UTP4: variants seen among roughly 807,000 people sequenced by gnomAD.
The protein encoded by UTP4 is UTP4 small subunit processome component, also known as U3 small nucleolar RNA-associated protein 4 homolog.
UTP4 carries 45 observed loss-of-function variants against 82.4 expected under a neutral mutation model. The observed-to-expected ratio is 0.55, with a 90% CI of 0.43 to 0.70. UTP4 has a LOEUF of 0.70. Among genes scored for constraint, UTP4 ranks in the 30% least tolerant of loss-of-function variants. The pLI, the probability that UTP4 is intolerant of heterozygous loss-of-function variation, is 0.00. For missense variants in UTP4, 819 were observed against 858.3 expected, an observed-to-expected ratio of 0.95 and a Z score of 0.57; for synonymous variants, 348 against 300.3, an observed-to-expected ratio of 1.16 and a Z score of -1.64.
At chr16:69,159,665 C>T (rs1963513370) in intron 12 of UTP4, among the ~76,000 whole-genome samples, 1 of 150,648 alleles carries the variant, frequency 6.6e-6, no homozygotes, top group African/African-American at 2.4e-5. Context: ...TCCAGCCTGA[C>T]AACAGAGTGA....
chr16:69,159,574 G>C (rs1963511590), intron 12 of UTP4, among the ~76,000 whole-genome samples: 1 of 152,060 alleles, frequency 6.6e-6, no homozygotes, highest in African/African-American at 2.4e-5. Flanking sequence ...TGTAGTCCCA[G>C]CTACTTGGGA....
intron 12 of UTP4, among the ~76,000 whole-genome samples, chr16:69,159,146 G>A (rs753123895): frequency 3.3e-5 from 5 of 151,934 alleles, no homozygotes; most frequent in Non-Finnish European, 5.9e-5. Context: ...GTGCCATCTC[G>A]GCTCACTGCA....
intron 11 of UTP4, among the ~76,000 whole-genome samples, chr16:69,156,379 A>T (rs1255479651): frequency 6.7e-6 from 1 of 148,976 alleles, no homozygotes; most frequent in African/African-American, 2.5e-5. Flanking sequence ...CTGGTCCTGA[A>T]CTCCTGACCT....
chr16:69,168,968 C>A lies in UTP4; in HGVS notation c.*31C>A. On this transcript the variant is annotated 3_prime_UTR_variant, in exon 17 of 17. Transcript: ENST00000314423. ...GGCACTGTCTGTGTCCTTCCTTGAA[C>A]TGTCTACCCTGTTGCTTTTCACAAA... is the stretch of plus-strand genomic sequence containing the variant. 2 of 1,267,604 alleles carry A rather than the reference C, an allele frequency of 1.6e-6. No individual in the cohort carries two copies. The highest frequency in any genetic ancestry group is 2.3e-6 in the Non-Finnish European group (2 of 863,226). 78.5% of individuals were successfully genotyped at this position (1,267,604 alleles called of 1,614,324 possible).
At chr16:69,164,888 G>A (rs1237425403) in intron 14 of UTP4, among the ~76,000 whole-genome samples, 1 of 152,028 alleles carries the variant, frequency 6.6e-6, no homozygotes, top group East Asian at 1.9e-4. Flanking sequence ...TATGTATTAT[G>A]TGCATAAAAT....
At position 69,150,575 on chromosome 16, in the gene UTP4, A is replaced by G. The variant is rs1294987476; in HGVS notation, c.777A>G (p.Thr259=). The G allele has an allele frequency of 6.2e-7, 1 of 1,614,244 alleles. No homozygotes were observed. The highest frequency in any genetic ancestry group is 8.5e-7 in the Non-Finnish European group (1 of 1,180,044). ...TCGTGGTGGGCACAGCCGAGGGAAC[A>G]GTCTTCCATTTTCAGCTGGTCCCTG... is the stretch of plus-strand genomic sequence containing the variant. ...DSFVVGTAEG[T]VFHFQLVPVT... Residue 259 remains threonine, a synonymous_variant, in exon 7 of 17, where the codon ACA becomes ACG. Coordinates refer to ENST00000314423, the MANE Select transcript of UTP4 (RefSeq NM_032830.3).
rs187989663 is a variant in UTP4 at position 69,151,346 on chromosome 16, T to C, written c.1002+442T>C. The stretch of plus-strand genomic sequence containing the variant: ...TTTTCTTTTTTTTTTTTTTTGAGAC[T>C]GAGTCTCTCTCTGTCGCCCAGGCTG... On this transcript the variant is annotated intron_variant, in intron 8 of 16. Transcript: ENST00000314423. Among the ~76,000 whole-genome samples the C allele has an allele frequency of 6.9e-3, 956 of 137,864 alleles. 5 individuals are homozygous for C. Among genetic ancestry groups the C allele is most frequent in the Non-Finnish European group, 0.012 (738 of 63,680 alleles). 90.4% of individuals were successfully genotyped at this position (137,864 alleles called of 152,430 possible).
chr16:69,152,458 GT>G (rs1963297668), intron 8 of UTP4, among the ~76,000 whole-genome samples: 1 of 123,436 alleles, frequency 8.1e-6, no homozygotes, highest in Non-Finnish European at 1.7e-5. Flanking sequence ...GCTAATTTCT[GT>G]TTTTCTTTTT....
intron 1 of UTP4, 78 bp from the exon 2 acceptor site, chr16:69,133,380 G>GATATTAAGGAACTGA: frequency 4.3e-6 from 6 of 1,395,930 alleles, no homozygotes; most frequent in Non-Finnish European, 6.1e-6. Flanking sequence ...CCAGAACAGT[G>GATATTAAGGAACTGA]ATATTAAGGA....
At chr16:69,163,706 G>A in intron 14 of UTP4, among the ~76,000 whole-genome samples, 1 of 151,322 alleles carries the variant, frequency 6.6e-6, no homozygotes, top group Non-Finnish European at 1.5e-5. Context: ...AACCTGGGCT[G>A]CGGAATATAT....
At chr16:69,144,088 A>G (rs1963040744) in intron 6 of UTP4, among the ~76,000 whole-genome samples, 1 of 148,978 alleles carries the variant, frequency 6.7e-6, no homozygotes, top group African/African-American at 2.5e-5. Flanking sequence ...GGGTTTCACC[A>G]TGTTGGGCAG....
rs571089995 is a variant in UTP4, at chr16:69,138,139, A to G, written c.436+254A>G. 84 of 503,516 alleles carry G rather than the reference A, an allele frequency of 1.7e-4. No homozygotes were observed. In the South Asian group the frequency reaches 1.7e-3, roughly 10 times the overall value. 31.2% of individuals were successfully genotyped at this position (503,516 alleles called of 1,614,324 possible). A position where few individuals can be genotyped will look rare whatever the true frequency, so the allele number is the denominator to read the frequency against. On this transcript the variant is annotated intron_variant, in intron 4 of 16. Coordinates refer to ENST00000314423, the MANE Select transcript of UTP4 (RefSeq NM_032830.3). ...AAAGCTAGTGTTTCTGTGGAAGTCA[A>G]TTTGTTAGTTATCACTTACTTTTGT...
intron 15 of UTP4, chr16:69,166,807 C>T (rs915912614): frequency 2.7e-5 from 13 of 473,956 alleles, no homozygotes; most frequent in African/African-American, 2.2e-4. Flanking sequence ...CTCTCTTTGC[C>T]TCATACACCC....
At chr16:69,147,827 A>G (rs75376928) in intron 6 of UTP4, among the ~76,000 whole-genome samples, 4,821 of 152,248 alleles carry the variant, frequency 0.032, 108 homozygotes, top group Non-Finnish European at 0.043. Context: ...GAAGTTTTCT[A>G]CTTGTGGTGT....
intron 2 of UTP4, among the ~76,000 whole-genome samples, chr16:69,135,936 G>C (rs1208421788): frequency 1.3e-5 from 2 of 152,218 alleles, no homozygotes; most frequent in African/African-American, 4.8e-5. Flanking sequence ...TGCTAAGGCA[G>C]GGGAATCGCT....
chr16:69,140,154 A>G (rs1211324224), intron 5 of UTP4, among the ~76,000 whole-genome samples: 1 of 152,226 alleles, frequency 6.6e-6, no homozygotes, highest in East Asian at 1.9e-4. Flanking sequence ...AGAATTCACA[A>G]TAAAATACTC....
chr16:69,162,199 C>T (rs968328389), intron 13 of UTP4, among the ~76,000 whole-genome samples: 5 of 151,432 alleles, frequency 3.3e-5, no homozygotes, highest in African/African-American at 1.2e-4. Context: ...AAACTCCTGA[C>T]CTCGTGATCC....
intron 15 of UTP4, chr16:69,166,782 C>T: frequency 2.5e-6 from 1 of 396,926 alleles, no homozygotes; most frequent in East Asian, 5.3e-5. Flanking sequence ...GATCTTGCTG[C>T]ATGGAGTTAA....
At chr16:69,137,724 G>A (rs184778917) in intron 3 of UTP4, 77 bp from the exon 4 acceptor site, 6 of 813,908 alleles carry the variant, frequency 7.4e-6, no homozygotes, top group Non-Finnish European at 1.3e-5. Flanking sequence ...GTGTGTGTTG[G>A]GGGGTGTGTG....
Sources: gnomAD v4.1 joint callset for allele counts (sites outside exome capture counted in the v4.1 genomes callset) on GRCh38, gnomAD v4.1.1 for gene constraint, MANE v1.5 for transcripts, NCBI Gene and HGNC (gene_info 2026-07-23, HGNC 2026-07-21) for gene names.